B3GNT2: variants seen among roughly 807,000 people sequenced by gnomAD.
The protein encoded by B3GNT2 is N-acetyllactosaminide beta-1,3-N-acetylglucosaminyltransferase 2.
Under a neutral mutation model 27.6 loss-of-function variants are expected in B3GNT2, and 12 were observed. The observed-to-expected ratio is 0.44, with a 90% CI of 0.28 to 0.71. The LOEUF (loss-of-function observed/expected upper bound fraction) is 0.71. Among genes scored for constraint, B3GNT2 ranks in the 30% least tolerant of loss-of-function variants. The probability of loss-of-function intolerance (pLI) is 0.17; values close to 1 mark genes in which losing one functional copy is unlikely to be tolerated. For missense variants in B3GNT2, 413 were observed against 488.5 expected (o/e 0.85, Z 1.46); for synonymous variants, 192 against 189.7 (o/e 1.01, Z -0.10).
chr2:62,210,785 A>G (rs1025068002), intron 1 of B3GNT2, among the ~76,000 whole-genome samples: 1 of 152,044 alleles, frequency 6.6e-6, no homozygotes, highest in African/African-American at 2.4e-5. Flanking sequence ...AATAATAATA[A>G]TAATAGGAGT....
At chr2:62,218,525 C>G (rs1336992385) in intron 1 of B3GNT2, among the ~76,000 whole-genome samples, 2 of 152,126 alleles carry the variant, frequency 1.3e-5, no homozygotes, top group Non-Finnish European at 2.9e-5. Context: ...TTTGGAGCCT[C>G]TTTAACTATC....
chr2:62,211,045 T>C (rs749374893), intron 1 of B3GNT2, among the ~76,000 whole-genome samples: 5 of 152,150 alleles, frequency 3.3e-5, no homozygotes, highest in Non-Finnish European at 7.3e-5. Context: ...AAACAACTCA[T>C]AAGCTCATTG....
chr2:62,221,845 T>A (rs906132491), intron 1 of B3GNT2: 1 of 526,336 alleles, frequency 1.9e-6, no homozygotes, highest in African/African-American at 1.9e-5. Context: ...GCAAGGAAGT[T>A]GAACTCTCCT....
At chr2:62,202,813 C>T (rs1674294745) in intron 1 of B3GNT2, among the ~76,000 whole-genome samples, 1 of 152,148 alleles carries the variant, frequency 6.6e-6, no homozygotes, top group African/African-American at 2.4e-5. Context: ...CAGAGGAAAG[C>T]CAGAGTTCAA....
chr2:62,208,514 G>C (rs928598897), intron 1 of B3GNT2, among the ~76,000 whole-genome samples: 1 of 152,086 alleles, frequency 6.6e-6, no homozygotes, highest in Non-Finnish European at 1.5e-5. Flanking sequence ...ATGACACCAC[G>C]TAATTGTGTC....
chr2:62,221,670 TGAAATA>T (rs1300140969), intron 1 of B3GNT2, among the ~76,000 whole-genome samples: 1 of 152,168 alleles, frequency 6.6e-6, no homozygotes, highest in Non-Finnish European at 1.5e-5. Context: ...GTTTTTCAAA[TGAAATA>T]GAAGAGAACT....
At position 62,223,138 on chromosome 2, in the gene B3GNT2, AG is replaced by A. The variant is rs1300549233; in HGVS notation, c.924del (p.Phe309SerfsTer9). On this transcript the variant is annotated frameshift_variant, in exon 2 of 2. Coordinates refer to ENST00000301998, the MANE Select transcript of B3GNT2 (RefSeq NM_006577.6). LOFTEE classifies it high-confidence loss of function. ...GCCTCTACCCACCCTATGCAGGGGG[AG>A]GGGGGTTCCTCTACTCCGGCCACCT... is the stretch of plus-strand genomic sequence containing the variant. ...SGLYPPYAGG[G>X]GFLYSGHLAL... is the part of the protein sequence containing the mutation. 2 of 1,614,018 alleles carry A rather than the reference AG, an allele frequency of 1.2e-6. No individual in the cohort carries two copies. The highest frequency in any genetic ancestry group is 1.7e-6 in the Non-Finnish European group (2 of 1,179,972).
intron 1 of B3GNT2, chr2:62,206,031 G>C (rs2104191469): frequency 6.5e-6 from 1 of 154,440 alleles, no homozygotes; most frequent in Non-Finnish European, 1.5e-5. Context: ...TTCAAGGATG[G>C]GGGTAAGGAT....
chr2:62,212,900 G>A (rs574638867), intron 1 of B3GNT2, among the ~76,000 whole-genome samples: 21 of 152,264 alleles, frequency 1.4e-4, no homozygotes, highest in African/African-American at 5.1e-4. Context: ...CACCTAAGCA[G>A]GCAGAAGGAT....
chr2:62,214,062 TG>T (rs1486872735), intron 1 of B3GNT2, among the ~76,000 whole-genome samples: 3 of 152,176 alleles, frequency 2.0e-5, no homozygotes, highest in African/African-American at 7.2e-5. Context: ...GTGTTTAGGC[TG>T]GGGCATACCC....
intron 1 of B3GNT2, among the ~76,000 whole-genome samples, chr2:62,208,455 A>G (rs1368332821): frequency 6.6e-6 from 1 of 151,922 alleles, no homozygotes; most frequent in African/African-American, 2.4e-5. Context: ...GATTTATTTA[A>G]TTGTATTTGT....
At chr2:62,218,091 C>T (rs530976988) in intron 1 of B3GNT2, among the ~76,000 whole-genome samples, 35 of 152,272 alleles carry the variant, frequency 2.3e-4, no homozygotes, top group African/African-American at 4.3e-4. Flanking sequence ...ATTCTTCTTA[C>T]GCAATGTAAC....
chr2:62,212,390 C>T (rs1042341951), intron 1 of B3GNT2, among the ~76,000 whole-genome samples: 2 of 152,066 alleles, frequency 1.3e-5, no homozygotes, highest in African/African-American at 2.4e-5. Context: ...TACCCCAAGC[C>T]CCCCTGGTGC....
At chr2:62,200,929 C>T (rs1452880376) in intron 1 of B3GNT2, among the ~76,000 whole-genome samples, 1 of 152,170 alleles carries the variant, frequency 6.6e-6, no homozygotes, top group East Asian at 1.9e-4. Flanking sequence ...TATGGGAATG[C>T]CTAAAGTTAA....
intron 1 of B3GNT2, among the ~76,000 whole-genome samples, chr2:62,221,196 G>C (rs1674683385): frequency 1.3e-5 from 2 of 152,132 alleles, no homozygotes; most frequent in South Asian, 4.1e-4. Context: ...ATTTGGGTCT[G>C]GCCTTCATTC....
rs1674243455 is a variant in B3GNT2 at position 62,200,362 on chromosome 2, CTTTTCATTCTGTGGCATTTTAAAA to C, written c.-10+4008_-10+4031del. 2.0e-5 allele frequency among the ~76,000 whole-genome samples: 3 copies of C among 152,272 alleles called. No homozygotes were observed. In the South Asian group the frequency reaches 6.2e-4, roughly 32 times the overall value. On this transcript the variant is annotated intron_variant, in intron 1 of 1. Transcript: ENST00000301998. ...GTAGCCAGGAAATTGATACTTTCTACTTTTCATTCTGTGGCATTTTAAAACAGAGGGTTCAGGTGTCTTCATTCT... is the reference window on the plus strand; with the variant it reads ...GTAGCCAGGAAATTGATACTTTCTACCAGAGGGTTCAGGTGTCTTCATTCT...
intron 1 of B3GNT2, chr2:62,221,890 C>T: frequency 1.9e-6 from 1 of 539,892 alleles, no homozygotes; most frequent in Non-Finnish European, 3.6e-6. Context: ...CTAGCTTCAG[C>T]ATGTCTCAAA....
chr2:62,207,802 G>A (rs918541768), intron 1 of B3GNT2, among the ~76,000 whole-genome samples: 2 of 152,202 alleles, frequency 1.3e-5, no homozygotes, highest in African/African-American at 4.8e-5. Context: ...GTGTGGCCCC[G>A]TTCCTAACAG....
At chr2:62,202,552 G>A (rs1459884366) in intron 1 of B3GNT2, among the ~76,000 whole-genome samples, 9 of 152,126 alleles carry the variant, frequency 5.9e-5, no homozygotes, top group Non-Finnish European at 1.2e-4. Context: ...AAGTTCTTGT[G>A]GTCAGGGGAG....
Sources: allele counts gnomAD v4.1 joint callset (sites outside exome capture counted in the v4.1 genomes callset), GRCh38; gene constraint gnomAD v4.1.1; transcripts MANE v1.5; gene names NCBI Gene and HGNC (gene_info 2026-07-23, HGNC 2026-07-21).